The following TELO2 variants were observed in gnomAD, a reference collection of about 807,000 sequenced individuals.
The protein encoded by TELO2 is telomere maintenance 2, also known as telomere length regulation protein TEL2 homolog.
A neutral mutation model predicts 91.0 loss-of-function variants in TELO2; 71 were observed. The ratio of observed to expected loss-of-function variants is 0.78; its 90% CI spans 0.64 to 0.95. The LOEUF (loss-of-function observed/expected upper bound fraction) is 0.95, where lower values mean the gene tolerates loss of function less well. TELO2 is among the 40% of genes least tolerant of loss of function. TELO2 has a pLI of 0.00. For missense variants in TELO2, 1,183 were observed against 1,141.3 expected, an observed-to-expected ratio of 1.04 and a Z score of -0.53; for synonymous variants, 584 against 518.9, an observed-to-expected ratio of 1.13 and a Z score of -1.71.
rs1278706566 is a variant in TELO2, at chr16:1,507,611, C to T, written c.2302C>T (p.Gln768Ter). 6.3e-7 allele frequency: 1 copy of T among 1,592,204 alleles called. No homozygotes were observed. The highest frequency in any genetic ancestry group is 1.7e-5 in the Admixed American group (1 of 58,850). Residue 768 changes from glutamine (Q) to a stop codon, truncating the protein, a stop_gained, in exon 20 of 21, where the codon CAG (glutamine) becomes TAG (stop). Transcript: ENST00000262319. LOFTEE classifies it high-confidence loss of function. ...LRFHIDAYVR[Q>*]GLLSAVSSVL... Reference sequence around the variant, plus strand: ...CCTTCTTGCCGGCAGCTACGTGCGCCAGGGGCTGTTGTCGGCCGTCTCCTC... The same window carrying T: ...CCTTCTTGCCGGCAGCTACGTGCGCTAGGGGCTGTTGTCGGCCGTCTCCTC...
chr16:1,505,433 G>A lies in TELO2; in HGVS notation c.1866G>A (p.Glu622=), dbSNP rs2039854353. Residue 622 remains glutamate, a synonymous_variant, in exon 16 of 21, where the codon GAG becomes GAA. Coordinates refer to ENST00000262319, the MANE Select transcript of TELO2 (RefSeq NM_016111.4). This position sits in a 1 kb window ranked among gnomAD's most constrained non-coding sequence, Gnocchi z 4.3. ...AGGTGCTGACTCTGGCTGCCCAGGAGCTGTCTAGGCCTGGGTGCCTCGGGA... is the reference window on the plus strand; with the variant it reads ...AGGTGCTGACTCTGGCTGCCCAGGAACTGTCTAGGCCTGGGTGCCTCGGGA... ...ILDVLTLAAQ[E]LSRPGCLGRT... 6.2e-7 allele frequency: 1 copy of A among 1,611,688 alleles called. No individual in the cohort carries two copies. The highest frequency in any genetic ancestry group is 1.7e-5 in the Admixed American group (1 of 59,986).
chr16:1,495,689 T>C, intron 3 of TELO2, 66 bp downstream of exon 3: 1 of 1,516,344 alleles, frequency 6.6e-7, no homozygotes. Context: ...CCTGCCACCC[T>C]CTGGTGCCTC....
intron 17 of TELO2, chr16:1,506,745 C>T (rs1271881146): frequency 1.4e-6 from 2 of 1,398,544 alleles, no homozygotes; most frequent in African/African-American, 1.5e-5. Flanking sequence ...GTTGGGAACT[C>T]CTGGCCCAGG....
Position 1,509,933 on chromosome 16 carries a change from C to G in TELO2, c.2511C>G (p.Pro837=), listed in dbSNP as rs1049715967. 5.0e-6 allele frequency: 8 copies of G among 1,591,458 alleles called. No homozygotes were observed. In the African/African-American group the frequency reaches 8.1e-5, roughly 16 times the overall value. Residue 837 remains proline, a synonymous_variant, in exon 21 of 21, where the codon CCC becomes CCG. Coordinates refer to ENST00000262319, the MANE Select transcript of TELO2 (RefSeq NM_016111.4). ...LKNRLLPPAS[P] is the part of the protein sequence containing the mutation. The stretch of plus-strand genomic sequence containing the variant: ...ACAGGCTCCTCCCACCCGCGTCTCC[C>G]TAGTCCCTGGAGGCCTCCCCAGGAC...
At position 1,510,139 on chromosome 16, in the gene TELO2, C is replaced by G. The variant is rs1165903440; in HGVS notation, c.*203C>G. 3 of 570,754 alleles carry G rather than the reference C, an allele frequency of 5.3e-6. No individual in the cohort carries two copies. Among genetic ancestry groups the G allele is most frequent in the African/African-American group, 3.8e-5 (2 of 52,922 alleles). The allele number at this position is 570,754 out of a possible 1,614,324, so 35.4% of individuals were successfully genotyped here. On this transcript the variant is annotated 3_prime_UTR_variant, in exon 21 of 21. Coordinates refer to ENST00000262319, the MANE Select transcript of TELO2 (RefSeq NM_016111.4). ...AAAAATACACTGGGCCTGGGCACTG[C>G]CCGCCGGGACATGGCAGCCTGGACG... is the stretch of plus-strand genomic sequence containing the variant.
intron 20 of TELO2, among the ~76,000 whole-genome samples, chr16:1,509,563 C>T (rs187761146): frequency 3.9e-5 from 6 of 152,382 alleles, no homozygotes; most frequent in African/African-American, 9.6e-5. Flanking sequence ...CCGGGTTCCC[C>T]GGTTGTGCGC....
In TELO2 at chr16:1,497,140, C is replaced by T. The variant is rs200685012; in HGVS notation, c.682+36C>T. The T allele has an allele frequency of 1.5e-4, 246 of 1,611,670 alleles. No homozygotes were observed. Among genetic ancestry groups the T allele is most frequent in the Admixed American group, 5.7e-4 (34 of 59,932 alleles). On this transcript the variant is annotated intron_variant, in intron 4 of 20. Coordinates refer to ENST00000262319, the MANE Select transcript of TELO2 (RefSeq NM_016111.4). This position sits in a 1 kb window ranked among gnomAD's most constrained non-coding sequence, Gnocchi z 4.0. ...CAGTGCCTTCCTGCCCATCCTGCCC[C>T]GACCCTCACAGCCCATCAGCCTTCT...
At chr16:1,495,292 G>T in intron 2 of TELO2, 54 bp from the exon 3 acceptor site, 1 of 1,490,332 alleles carries the variant, frequency 6.7e-7, no homozygotes, top group South Asian at 1.3e-5. Context: ...GTGGCAGGAA[G>T]GGGGCCCCGA....
chr16:1,496,318 G>A (rs1430608849), intron 3 of TELO2, among the ~76,000 whole-genome samples: 2 of 152,108 alleles, frequency 1.3e-5, no homozygotes, highest in Non-Finnish European at 2.9e-5. Flanking sequence ...CGGGCCCCTC[G>A]AGTCCCTGCG....
chr16:1,510,244 G>A lies in TELO2; in HGVS notation c.*308G>A, dbSNP rs2040090868. ...AACCAGGCTGGCAGGAGGGGAGGAC[G>A]GTGTACCTGCTGCTCAGAGCCCCCA... On this transcript the variant is annotated 3_prime_UTR_variant, in exon 21 of 21. Coordinates refer to ENST00000262319, the MANE Select transcript of TELO2 (RefSeq NM_016111.4). 1.2e-5 allele frequency: 5 copies of A among 400,014 alleles called. No homozygotes were observed. Among genetic ancestry groups the A allele is most frequent in the Admixed American group, 3.8e-5 (1 of 26,340 alleles). The allele number at this position is 400,014 out of a possible 1,614,324, so 24.8% of individuals were successfully genotyped here.
Position 1,505,504 on chromosome 16 carries a change from C to T in TELO2, c.1937C>T (p.Pro646Leu). 1.2e-6 allele frequency: 2 copies of T among 1,613,088 alleles called. No homozygotes were observed. Among genetic ancestry groups the T allele is most frequent in the South Asian group, 1.1e-5 (1 of 91,082 alleles). The stretch of plus-strand genomic sequence containing the variant: ...CCAAGTCCCAACACCCCGTGCCTGC[C>T]AGAGGCAGCCGTCTCTCAGCCTGGC... ...GSPSPNTPCL[P>L]EAAVSQPGSA... Residue 646 changes from proline (P) to leucine (L), a missense_variant, in exon 16 of 21, where the codon CCA becomes CTA. By Grantham distance (98) the Pro-to-Leu change is moderately conservative. Transcript: ENST00000262319. The surrounding 1 kb of genome is among the most constrained non-coding windows in gnomAD (Gnocchi z 4.3).
intron 6 of TELO2, 32 bp downstream of exon 6, chr16:1,499,365 G>T: frequency 6.2e-7 from 1 of 1,601,816 alleles, no homozygotes; most frequent in Non-Finnish European, 8.6e-7. Context: ...CAGGCTGCTG[G>T]CTGCCCCATC....
At chr16:1,500,970 G>C (rs1438385199) in intron 9 of TELO2, among the ~76,000 whole-genome samples, 1 of 152,180 alleles carries the variant, frequency 6.6e-6, no homozygotes, top group Non-Finnish European at 1.5e-5. Flanking sequence ...AGGGAGGCTG[G>C]GGTTAAGGGG....
rs369510162 is a variant in TELO2 at position 1,507,342 on chromosome 16, G to T, written c.2263G>T (p.Val755Leu). Residue 755 changes from valine to leucine, a missense_variant, in exon 19 of 21, where the codon GTG becomes TTG. Physicochemically the swap from Val to Leu is conservative, Grantham distance 32. Coordinates refer to ENST00000262319, the MANE Select transcript of TELO2 (RefSeq NM_016111.4). ...CATGGGCAAGGCCCTGCTGGAATTC[G>T]TGTGGGCCCTTCGCTTCCACATCGA... ...VAMGKALLEF[V>L]WALRFHIDAY... 2.6e-5 allele frequency: 42 copies of T among 1,610,900 alleles called. No homozygotes were observed. The African/African-American group carries it at 4.0e-4, about 15-fold the overall frequency.
chr16:1,494,641 G>C lies in TELO2; in HGVS notation c.335+25G>C. The C allele has an allele frequency of 6.3e-7, 1 of 1,596,640 alleles. No homozygotes were observed. The highest frequency in any genetic ancestry group is 2.2e-5 in the East Asian group (1 of 44,470). ...GGTGAGTGGGCTGGGCCCATCCTGG[G>C]GTTGCCGGTAGCCTCAGAAGTGATG... On this transcript the variant is annotated intron_variant, in intron 2 of 20. Coordinates refer to ENST00000262319, the MANE Select transcript of TELO2 (RefSeq NM_016111.4). This position sits in a 1 kb window ranked among gnomAD's most constrained non-coding sequence, Gnocchi z 5.6.
rs1235300479 is a variant in TELO2 at position 1,505,426 on chromosome 16, C to G, written c.1859C>G (p.Ala620Gly). 6.2e-7 allele frequency: 1 copy of G among 1,611,162 alleles called. No homozygotes were observed. Among genetic ancestry groups the G allele is most frequent in the African/African-American group, 1.3e-5 (1 of 74,888 alleles). Reference sequence around the variant, plus strand: ...TCCCTCCAGGTGCTGACTCTGGCTGCCCAGGAGCTGTCTAGGCCTGGGTGC... The same window carrying G: ...TCCCTCCAGGTGCTGACTCTGGCTGGCCAGGAGCTGTCTAGGCCTGGGTGC... ...MDILDVLTLA[A>G]QELSRPGCLG... The change falls in exon 16 of 21, where the codon GCC (alanine) becomes GGC (glycine). Residue 620 changes from alanine (A) to glycine (G), a missense_variant. By Grantham distance (60) the Ala-to-Gly change is moderately conservative. Coordinates refer to ENST00000262319, the MANE Select transcript of TELO2 (RefSeq NM_016111.4). The surrounding 1 kb of genome is among the most constrained non-coding windows in gnomAD (Gnocchi z 4.3).
In TELO2 at chr16:1,505,591, G is replaced by A. The variant is rs773299040; in HGVS notation, c.2024G>A (p.Arg675Gln). ...GAGCGGATCAGAAGCAAGACCCAGC[G>A]GCTCTCCAAGGTTAGTGGCGCCTGG... ...VEERIRSKTQ[R>Q]LSKGGPRQGP... The change falls in exon 16 of 21, where the codon CGG becomes CAG. Residue 675 changes from arginine to glutamine, a missense_variant. Physicochemically the swap from Arg to Gln is conservative, Grantham distance 43. Transcript: ENST00000262319. This position sits in a 1 kb window ranked among gnomAD's most constrained non-coding sequence, Gnocchi z 4.3. 10 of 1,611,718 alleles carry A rather than the reference G, an allele frequency of 6.2e-6. No homozygotes were observed. The highest frequency in any genetic ancestry group is 4.5e-5 in the East Asian group (2 of 44,846).
chr16:1,499,582 G>A (rs1480907151), intron 6 of TELO2, among the ~76,000 whole-genome samples: 5 of 116,762 alleles, frequency 4.3e-5, no homozygotes, highest in South Asian at 3.0e-4. Flanking sequence ...CCCTAGCTGC[G>A]TTCTGTGCCA....
Position 1,497,846 on chromosome 16 carries a change from C to G in TELO2, c.830+338C>G, listed in dbSNP as rs1013644957. 1.3e-5 allele frequency among the ~76,000 whole-genome samples: 2 copies of G among 152,116 alleles called. No individual in the cohort carries two copies. The highest frequency in any genetic ancestry group is 4.8e-5 in the African/African-American group (2 of 41,424). On this transcript the variant is annotated intron_variant, in intron 5 of 20. Coordinates refer to ENST00000262319, the MANE Select transcript of TELO2 (RefSeq NM_016111.4). This position sits in a 1 kb window ranked among gnomAD's most constrained non-coding sequence, Gnocchi z 4.0. ...GCTCTGACATGGTGATGGGCGGTGA[C>G]TCACTTCCCCACGTCTTTGTGCAGG...
Sources: allele counts gnomAD v4.1 joint callset (sites outside exome capture counted in the v4.1 genomes callset), GRCh38; gene constraint gnomAD v4.1.1; non-coding constraint Gnocchi (gnomAD v3.1); transcripts MANE v1.5; gene names NCBI Gene and HGNC (gene_info 2026-07-23, HGNC 2026-07-21).